The following RPE variants were observed in gnomAD, a reference collection of about 807,000 sequenced individuals.
RPE encodes the protein ribulose-5-phosphate-3-epimerase, also known as ribulose-phosphate 3-epimerase.
A neutral mutation model predicts 24.6 loss-of-function variants in RPE; 16 were observed. The ratio of observed to expected loss-of-function variants is 0.65; its 90% CI spans 0.44 to 0.99. RPE has a LOEUF of 0.99. Among genes scored for constraint, RPE ranks in the 50% least tolerant of loss-of-function variants. RPE has a pLI of 0.00. For missense variants in RPE, 240 were observed against 294.5 expected (o/e 0.81, Z 1.35); for synonymous variants, 93 against 98.4 (o/e 0.94, Z 0.33).
rs2093842552 is a variant in RPE at position 210,020,550 on chromosome 2, C to G, written c.*759C>G. ...CTGGACCTTTAACAAATCACCCAAT[C>G]TTTTTTGTGTTTCTCTAAAGTCATT... On this transcript the variant is annotated 3_prime_UTR_variant, in exon 6 of 6. Transcript: ENST00000359429. 6.0e-6 allele frequency: 1 copy of G among 166,870 alleles called. No individual in the cohort carries two copies. Among genetic ancestry groups the G allele is most frequent in the Non-Finnish European group, 1.5e-5 (1 of 68,066 alleles). The allele number at this position is 166,870 out of a possible 1,614,324, so 10.3% of individuals were successfully genotyped here.
intron 3 of RPE, 143 bp downstream of exon 3, chr2:210,016,255 C>T: frequency 6.2e-7 from 1 of 1,613,922 alleles, no homozygotes; most frequent in Non-Finnish European, 8.5e-7. Flanking sequence ...GGGCCCATTG[C>T]AGGTAAAGAA....
chr2:210,018,396 C>CTT (rs369682905), intron 5 of RPE: 10 of 869,728 alleles, frequency 1.1e-5, no homozygotes, highest in East Asian at 1.2e-4. Flanking sequence ...CTTTTTTTTA[C>CTT]TTTTTTTTTT....
In RPE at chr2:210,020,729, T is replaced by TAA. The variant is rs2093844353; in HGVS notation, c.*940_*941dup. ...TATAAGTTTATATTTTTGTGAGTTA[T>TAA]AAAGTACTTTGATATATTCTCATTA... On this transcript the variant is annotated 3_prime_UTR_variant, in exon 6 of 6. Transcript: ENST00000359429. 6.1e-6 allele frequency: 1 copy of TAA among 164,608 alleles called. No homozygotes were observed. Among genetic ancestry groups the TAA allele is most frequent in the South Asian group, 2.1e-4 (1 of 4,830 alleles). 10.2% of individuals were successfully genotyped at this position (164,608 alleles called of 1,614,324 possible).
intron 2 of RPE, among the ~76,000 whole-genome samples, chr2:210,012,185 G>A (rs2093709281): frequency 1.3e-5 from 2 of 152,240 alleles, no homozygotes; most frequent in South Asian, 2.1e-4. Flanking sequence ...TCCTGTTATT[G>A]TCTAAATCAG....
intron 1 of RPE, among the ~76,000 whole-genome samples, chr2:210,005,668 G>C (rs892466764): frequency 2.6e-5 from 4 of 152,046 alleles, no homozygotes; most frequent in African/African-American, 7.3e-5. Context: ...GCTAGCACTG[G>C]GCCCTCAGTC....
At chr2:210,005,961 GT>G (rs1559474510) in intron 1 of RPE, among the ~76,000 whole-genome samples, 1 of 152,126 alleles carries the variant, frequency 6.6e-6, no homozygotes, top group East Asian at 1.9e-4. Context: ...TTAGAATTAC[GT>G]AAGTAAAGCT....
intron 3 of RPE, 69 bp downstream of exon 3, chr2:210,016,181 A>T: frequency 6.2e-7 from 1 of 1,613,552 alleles, no homozygotes; most frequent in Non-Finnish European, 8.5e-7. Flanking sequence ...GGAAACAGGA[A>T]ATTTTCTCTT....
chr2:210,003,876 T>G (rs527637813), intron 1 of RPE, among the ~76,000 whole-genome samples: 43 of 152,334 alleles, frequency 2.8e-4, no homozygotes, highest in Non-Finnish European at 5.0e-4. Context: ...GTATTGTTTC[T>G]CTTTGGCATT....
chr2:210,008,702 T>C (rs927649175), intron 1 of RPE, among the ~76,000 whole-genome samples: 11 of 152,164 alleles, frequency 7.2e-5, no homozygotes, highest in African/African-American at 2.7e-4. Flanking sequence ...TTTTTGTTTT[T>C]GTTTTCGTTT....
chr2:210,010,990 T>C (rs1201749118), intron 2 of RPE, among the ~76,000 whole-genome samples: 1 of 152,172 alleles, frequency 6.6e-6, no homozygotes, highest in Non-Finnish European at 1.5e-5. Flanking sequence ...GTTAATCACA[T>C]TGCAAGTCTT....
At chr2:210,012,802 G>C (rs1232359639) in intron 2 of RPE, among the ~76,000 whole-genome samples, 1 of 152,212 alleles carries the variant, frequency 6.6e-6, no homozygotes, top group Admixed American at 6.5e-5. Context: ...GGGTTTGATA[G>C]CGTCCCAACA....
At chr2:210,014,040 T>C (rs2093735697) in intron 2 of RPE, among the ~76,000 whole-genome samples, 1 of 152,148 alleles carries the variant, frequency 6.6e-6, no homozygotes, top group Non-Finnish European at 1.5e-5. Context: ...TGAGTAAGGA[T>C]GACATAGCTA....
intron 5 of RPE, chr2:210,018,772 T>C: frequency 1.2e-6 from 1 of 845,270 alleles, no homozygotes; most frequent in Non-Finnish European, 1.4e-6. Flanking sequence ...CAGCAGGATA[T>C]GAAGAACTCC....
chr2:210,019,301 A>C (rs981432788), intron 5 of RPE, among the ~76,000 whole-genome samples: 4 of 152,214 alleles, frequency 2.6e-5, no homozygotes, highest in Admixed American at 2.0e-4. Flanking sequence ...TCAAAGAATA[A>C]AAGTGTTTTT....
chr2:210,014,297 G>T (rs1004961393), intron 2 of RPE, among the ~76,000 whole-genome samples: 3 of 151,796 alleles, frequency 2.0e-5, no homozygotes, highest in South Asian at 2.1e-4. Context: ...CACCGTGTTA[G>T]CCAGGATGGT....
At chr2:210,014,178 G>A (rs2093738460) in intron 2 of RPE, among the ~76,000 whole-genome samples, 1 of 151,874 alleles carries the variant, frequency 6.6e-6, no homozygotes, top group East Asian at 1.9e-4. Context: ...TGCAAGCTCC[G>A]CCTCCTGGAT....
intron 5 of RPE, chr2:210,018,601 G>A (rs1474697491): frequency 1.0e-6 from 1 of 985,204 alleles, no homozygotes; most frequent in Non-Finnish European, 1.2e-6. Flanking sequence ...AAATACTTAT[G>A]CAGGAGGGGC....
At chr2:210,006,158 G>A (rs2093628035) in intron 1 of RPE, among the ~76,000 whole-genome samples, 1 of 152,200 alleles carries the variant, frequency 6.6e-6, no homozygotes, top group South Asian at 2.1e-4. Context: ...TGATGAAGCA[G>A]ACTTTTTAGT....
chr2:210,021,998 A>G lies in RPE; in HGVS notation c.*2207A>G, dbSNP rs368018718. 2 of 148,392 alleles carry G rather than the reference A, an allele frequency of 1.3e-5. No individual in the cohort carries two copies. The highest frequency in any genetic ancestry group is 5.2e-5 in the African/African-American group (2 of 38,668). 9.2% of individuals were successfully genotyped at this position (148,392 alleles called of 1,614,324 possible). Reference sequence around the variant, plus strand: ...AATTTCTTGCTAATCTAGAAATACAATCATCTTTTTTTTTTTTTTCAAATT... The same window carrying G: ...AATTTCTTGCTAATCTAGAAATACAGTCATCTTTTTTTTTTTTTTCAAATT... On this transcript the variant is annotated 3_prime_UTR_variant, in exon 6 of 6. Coordinates refer to ENST00000359429, the MANE Select transcript of RPE (RefSeq NM_199229.3).
Sources: gnomAD v4.1 joint callset for allele counts (sites outside exome capture counted in the v4.1 genomes callset) on GRCh38, gnomAD v4.1.1 for gene constraint, MANE v1.5 for transcripts, NCBI Gene and HGNC (gene_info 2026-07-23, HGNC 2026-07-21) for gene names.